ITPR3: variants seen among roughly 807,000 people sequenced by gnomAD.
ITPR3 encodes the protein inositol 1,4,5-trisphosphate receptor type 3.
Under a neutral mutation model 293.2 loss-of-function variants are expected in ITPR3, and 173 were observed. The observed-to-expected ratio is 0.59, with a 90% CI of 0.52 to 0.67. ITPR3 has a LOEUF of 0.67. Ranked by LOEUF, ITPR3 falls within the 30% of genes least tolerant of loss-of-function variation. The pLI, the probability that ITPR3 is intolerant of heterozygous loss-of-function variation, is 0.00. For synonymous variants in ITPR3, 1,295 were observed against 1,444.4 expected (o/e 0.90, Z 2.35); for missense variants, 2,796 against 3,592.1 (o/e 0.78, Z 5.66).
chr6:33,685,507 G>A lies in ITPR3; in HGVS notation c.5456G>A (p.Arg1819His), dbSNP rs9469559. Residue 1819 changes from arginine to histidine, a missense_variant, in exon 40 of 58, where the codon CGC becomes CAC. Arg to His is a conservative substitution (Grantham distance 29). Transcript: ENST00000605930. The stretch of plus-strand genomic sequence containing the variant: ...CTGGGCAGCCAGCCACATGAGGACC[G>A]CGAGCCAGTCGACCCCACCACCAAA... The part of the protein sequence containing the change: ...NDLGSQPHED[R>H]EPVDPTTKGR... The A allele has an allele frequency of 6.7e-4, 1,074 of 1,612,894 alleles. 11 individuals are homozygous for A. In the African/African-American group the frequency reaches 0.012, roughly 18 times the overall value.
At chr6:33,662,002 A>AAAAAAAAAAAAC in intron 7 of ITPR3, among the ~76,000 whole-genome samples, 1 of 149,398 alleles carries the variant, frequency 6.7e-6, no homozygotes, top group Non-Finnish European at 1.5e-5. Context: ...GAAAAAAAAA[A>AAAAAAAAAAAAC]AAAAAAAAAA....
chr6:33,695,876 A>G lies in ITPR3; in HGVS notation c.*96A>G, dbSNP rs547529816. 367 of 1,233,626 alleles carry G rather than the reference A, an allele frequency of 3.0e-4. 1 individual carries two copies. The African/African-American group carries it at 4.9e-3, about 17-fold the overall frequency. The allele number at this position is 1,233,626 out of a possible 1,614,324, so 76.4% of individuals were successfully genotyped here. ...CTCCCTCGGGTTGGGTGGCCCAGCC[A>G]GCTGGCCAGCCTCCACTCCCACTCT... On this transcript the variant is annotated 3_prime_UTR_variant, in exon 58 of 58. Transcript: ENST00000605930.
Position 33,692,679 on chromosome 6 carries a change from G to A in ITPR3, c.7459-49G>A. On this transcript the variant is annotated intron_variant, in intron 54 of 57. Transcript: ENST00000605930. This position sits in a 1 kb window ranked among gnomAD's most constrained non-coding sequence, Gnocchi z 4.2. ...CCAACCTGAGTCCTATCTTGCCCCA[G>A]TGAATGTGGGGACCACCGGGCCCAG... 6.3e-7 allele frequency: 1 copy of A among 1,592,452 alleles called. No individual in the cohort carries two copies.
At position 33,688,111 on chromosome 6, in the gene ITPR3, C is replaced by CAGG. The variant is rs757436464; in HGVS notation, c.6330_6332dup (p.Glu2111dup). ...GATGCTCAAGTCCTCAGCGCCAGCACAGGAGGAGGAGGAAGACCCCCTGGC... is the reference window on the plus strand; with the variant it reads ...GATGCTCAAGTCCTCAGCGCCAGCACAGGAGGAGGAGGAGGAAGACCCCCTGGC... On this transcript the variant is annotated inframe_insertion, in exon 47 of 58. Transcript: ENST00000605930. 3.7e-6 allele frequency: 6 copies of CAGG among 1,614,036 alleles called. No homozygotes were observed. Among genetic ancestry groups the CAGG allele is most frequent in the Middle Eastern group, 1.6e-4 (1 of 6,084 alleles).
At position 33,646,746 on chromosome 6, in the gene ITPR3, C is replaced by T. The variant is rs1040332302; in HGVS notation, c.160+6192C>T. On this transcript the variant is annotated intron_variant, in intron 2 of 57. Coordinates refer to ENST00000605930, the MANE Select transcript of ITPR3 (RefSeq NM_002224.4). ...CAGCCTGGGCAACATGGCGAAACCC[C>T]GTCCCTACAAAAATACAAAAATTAG... 3.9e-5 allele frequency among the ~76,000 whole-genome samples: 6 copies of T among 152,018 alleles called. No homozygotes were observed. The East Asian group carries it at 1.2e-3, about 30-fold the overall frequency.
chr6:33,621,714 G>A lies in ITPR3; in HGVS notation c.89+23G>A. On this transcript the variant is annotated intron_variant, in intron 1 of 57. Transcript: ENST00000605930. This position sits in a 1 kb window ranked among gnomAD's most constrained non-coding sequence, Gnocchi z 7.7. ...GGGGTGAGTGAGCCGAGCTCGAGAG[G>A]GGCGCGGGTAAAGAGGGGGCGCCGT... 6.4e-7 allele frequency: 1 copy of A among 1,574,692 alleles called. No individual in the cohort carries two copies. The highest frequency in any genetic ancestry group is 8.6e-7 in the Non-Finnish European group (1 of 1,157,012).
At chr6:33,686,308 G>A in intron 42 of ITPR3, 55 bp downstream of exon 42, 14 of 1,600,836 alleles carry the variant, frequency 8.7e-6, no homozygotes, top group South Asian at 1.1e-5. Context: ...GGACATGTGG[G>A]TAGATGGAGC....
chr6:33,689,914 C>A, intron 50 of ITPR3, 120 bp from the exon 51 acceptor site: 1 of 1,228,556 alleles, frequency 8.1e-7, no homozygotes, highest in Non-Finnish European at 1.1e-6. Context: ...AGATGCGTTT[C>A]TGGAAGCAAT....
chr6:33,668,100 A>C, intron 16 of ITPR3, 136 bp downstream of exon 16: 1 of 1,025,040 alleles, frequency 9.8e-7, no homozygotes, highest in Admixed American at 2.6e-5. Context: ...GTGGCTCAGC[A>C]CTGGGAGGCC....
intron 21 of ITPR3, 134 bp from the exon 22 acceptor site, chr6:33,671,895 C>T (rs1444384362): frequency 1.1e-6 from 1 of 884,386 alleles, no homozygotes; most frequent in Non-Finnish European, 1.7e-6. Context: ...AGCCCTGTCC[C>T]TTCCTTAGCA....
intron 43 of ITPR3, 128 bp from the exon 44 acceptor site, chr6:33,686,881 G>A: frequency 1.3e-6 from 1 of 749,008 alleles, no homozygotes; most frequent in Admixed American, 2.2e-5. Flanking sequence ...GGGGAGGGAG[G>A]ATGGGAAGGT....
rs373656203 is a variant in ITPR3, at chr6:33,642,886, G to C, written c.160+2332G>C. Among the ~76,000 whole-genome samples the C allele has an allele frequency of 1.6e-4, 25 of 152,310 alleles. No individual in the cohort carries two copies. In the East Asian group the frequency reaches 3.9e-3, roughly 24 times the overall value. On this transcript the variant is annotated intron_variant, in intron 2 of 57. Transcript: ENST00000605930. The stretch of plus-strand genomic sequence containing the variant: ...CCTTGATGTCTTGGTGAGGTGGGTA[G>C]AGGCCCCTCTGGACTCCCTATGGCC...
chr6:33,666,801 C>T lies in ITPR3; in HGVS notation c.1552-328C>T, dbSNP rs970242099. On this transcript the variant is annotated intron_variant, in intron 14 of 57. Transcript: ENST00000605930. The surrounding 1 kb of genome is among the most constrained non-coding windows in gnomAD (Gnocchi z 5.1). ...CTCATCTCTTAAGCTCTGGCCACAG[C>T]GGTCCGGCCTGCCTTTTCTCTTAGC... Among the ~76,000 whole-genome samples, 2 of 152,198 alleles carry T rather than the reference C, an allele frequency of 1.3e-5. No individual in the cohort carries two copies. The highest frequency in any genetic ancestry group is 2.9e-5 in the Non-Finnish European group (2 of 68,038).
intron 1 of ITPR3, among the ~76,000 whole-genome samples, chr6:33,629,209 T>C (rs1348674811): frequency 2.6e-5 from 1 of 38,966 alleles, no homozygotes; most frequent in Non-Finnish European, 5.3e-5. Context: ...TATTTTATGA[T>C]AAATTACATA....
Position 33,691,659 on chromosome 6 carries a change from A to G in ITPR3, c.7270A>G (p.Thr2424Ala). 1.2e-6 allele frequency: 2 copies of G among 1,613,330 alleles called. No individual in the cohort carries two copies. The highest frequency in any genetic ancestry group is 1.7e-6 in the Non-Finnish European group (2 of 1,179,858). ...ACATGGAGCTGCTGCATTTGTGGAC[A>G]CCTGCAGTGGGGACAAGATGGACTG... Reference protein sequence around the residue: ...MPHGAAAFVDTCSGDKMDCVS... With the variant: ...MPHGAAAFVDACSGDKMDCVS... Residue 2424 changes from threonine (T) to alanine (A), a missense_variant, in exon 53 of 58, where the codon ACC (threonine) becomes GCC (alanine). Thr to Ala is a moderately conservative substitution (Grantham distance 58, BLOSUM62 0). This residue lies in a region of ITPR3 where 568 missense variants were observed against 796.1 expected (regional missense o/e 0.71). Coordinates refer to ENST00000605930, the MANE Select transcript of ITPR3 (RefSeq NM_002224.4). This position sits in a 1 kb window ranked among gnomAD's most constrained non-coding sequence, Gnocchi z 4.9.
In ITPR3 at chr6:33,665,932, C is replaced by T. The variant is rs765510584; in HGVS notation, c.1507C>T (p.Arg503Trp). 4.3e-6 allele frequency: 7 copies of T among 1,613,842 alleles called. No homozygotes were observed. The highest frequency in any genetic ancestry group is 3.3e-5 in the Admixed American group (2 of 59,982). Reference protein sequence around the residue: ...VLDIMVTKPNRERQKLMREQN... With the variant: ...VLDIMVTKPNWERQKLMREQN... ...GGACATCATGGTCACTAAGCCCAACCGGGAACGGCAGAAGCTGATGAGGGA... is the reference window on the plus strand; with the variant it reads ...GGACATCATGGTCACTAAGCCCAACTGGGAACGGCAGAAGCTGATGAGGGA... Residue 503 changes from arginine (R) to tryptophan (W), a missense_variant, in exon 14 of 58, where the codon CGG (arginine) becomes TGG (tryptophan). Physicochemically the swap from Arg to Trp is moderately radical, Grantham distance 101 (BLOSUM62 -3). Around this residue, in one of 8 missense-constraint regions of ITPR3, gnomAD observed 955 missense variants for 1,180.8 expected, o/e 0.81. Transcript: ENST00000605930.
chr6:33,668,738 G>T (rs1362250930), intron 17 of ITPR3, 104 bp downstream of exon 17: 2 of 1,532,498 alleles, frequency 1.3e-6, no homozygotes, highest in Non-Finnish European at 1.8e-6. Context: ...TGGCACCCTT[G>T]CTCTCTGCAG....
chr6:33,685,540 G>T lies in ITPR3; in HGVS notation c.5482+7G>T, dbSNP rs767115832. The T allele has an allele frequency of 2.5e-6, 4 of 1,610,952 alleles. No individual in the cohort carries two copies. The highest frequency in any genetic ancestry group is 2.2e-5 in the East Asian group (1 of 44,796). Reference sequence around the variant, plus strand: ...GTCGACCCCACCACCAAAGGTCAGGGGTCTGAGGCAGAGGCACGGCGTGAC... The same window carrying T: ...GTCGACCCCACCACCAAAGGTCAGGTGTCTGAGGCAGAGGCACGGCGTGAC... On this transcript the variant is annotated splice_region_variant and intron_variant, in intron 40 of 57. Transcript: ENST00000605930.
rs1218631439 is a variant in ITPR3, at chr6:33,633,141, CCGG to C, written c.90-7342_90-7340del. Among the ~76,000 whole-genome samples the C allele has an allele frequency of 8.5e-5, 13 of 152,306 alleles. No individual in the cohort carries two copies. The highest frequency in any genetic ancestry group is 2.9e-4 in the African/African-American group (12 of 41,554). ...ACCGGCCTCTAGGTGAGGGGCGATGCCGGTGGTGGGCGTAGCGGGGCGTGGGCA... is the reference window on the plus strand; with the variant it reads ...ACCGGCCTCTAGGTGAGGGGCGATGCTGGTGGGCGTAGCGGGGCGTGGGCA... On this transcript the variant is annotated intron_variant, in intron 1 of 57. Transcript: ENST00000605930. The surrounding 1 kb of genome is among the most constrained non-coding windows in gnomAD (Gnocchi z 5.2).
Sources: gnomAD v4.1 joint callset for allele counts (sites outside exome capture counted in the v4.1 genomes callset) on GRCh38, gnomAD v4.1.1 for gene constraint, gnomAD v4.1.1 regional missense constraint, Gnocchi (gnomAD v3.1) non-coding constraint, MANE v1.5 for transcripts, NCBI Gene and HGNC (gene_info 2026-07-23, HGNC 2026-07-21) for gene names.